The following JAKMIP3 variants were observed in gnomAD, a reference collection of about 807,000 sequenced individuals.
JAKMIP3 encodes the protein Janus kinase and microtubule interacting protein 3.
JAKMIP3 carries 58 observed loss-of-function variants against 118.5 expected under a neutral mutation model. The observed-to-expected ratio is 0.49, with a 90% CI of 0.40 to 0.61. The LOEUF is 0.61. Ranked by LOEUF, JAKMIP3 falls within the 20% of genes least tolerant of loss-of-function variation. The pLI is 0.00. For synonymous variants in JAKMIP3, 486 were observed against 451.2 expected, an observed-to-expected ratio of 1.08 and a Z score of -0.98; for missense variants, 950 against 1,109.0, an observed-to-expected ratio of 0.86 and a Z score of 2.04.
intron 5 of JAKMIP3, 59 bp downstream of exon 5, chr10:132,135,219 T>C: frequency 2.6e-6 from 4 of 1,511,168 alleles, no homozygotes; most frequent in Non-Finnish European, 3.6e-6. Flanking sequence ...GCTGGGGACC[T>C]GGGGGGCATC....
intron 21 of JAKMIP3, 79 bp downstream of exon 21, chr10:132,164,814 C>T: frequency 1.0e-6 from 1 of 956,204 alleles, no homozygotes; most frequent in East Asian, 2.4e-5. Flanking sequence ...CTGAGTCACT[C>T]AGCTCCAGGC....
chr10:132,082,230 T>A (rs929350136), intron 1 of JAKMIP3, among the ~76,000 whole-genome samples: 2 of 152,142 alleles, frequency 1.3e-5, no homozygotes, highest in African/African-American at 4.8e-5. Context: ...TATTATTTTT[T>A]AAATTTTTTA....
intron 23 of JAKMIP3, chr10:132,181,079 A>AGTGTGT (rs529246505): frequency 1.3e-5 from 2 of 150,340 alleles, no homozygotes; most frequent in South Asian, 4.2e-4. Context: ...GTGCACATGT[A>AGTGTGT]GTGTGTGTGT....
chr10:132,055,297 T>A (rs2133825324), intron 1 of JAKMIP3, among the ~76,000 whole-genome samples: 1 of 152,250 alleles, frequency 6.6e-6, no homozygotes, highest in Middle Eastern at 3.4e-3. Flanking sequence ...AGATTTCAAA[T>A]AAATTGTCCA....
At chr10:132,088,524 C>G (rs560527581) in intron 1 of JAKMIP3, among the ~76,000 whole-genome samples, 1 of 152,314 alleles carries the variant, frequency 6.6e-6, no homozygotes, top group South Asian at 2.1e-4. Flanking sequence ...AGTGTCTGTT[C>G]ATATCCTTCA....
At chr10:132,145,228 C>T (rs766285634) in intron 12 of JAKMIP3, 38 bp downstream of exon 12, 55 of 1,513,782 alleles carry the variant, frequency 3.6e-5, no homozygotes, top group South Asian at 1.3e-4. Context: ...TGGGGGCACA[C>T]GTGGGTGGGA....
intron 2 of JAKMIP3, among the ~76,000 whole-genome samples, chr10:132,107,063 TTTTA>T (rs1285645727): frequency 1.5e-4 from 23 of 150,266 alleles, no homozygotes; most frequent in East Asian, 3.9e-4. Flanking sequence ...TTTTTTTTTT[TTTTA>T]ACTTTTTTGT....
At chr10:132,077,643 G>A (rs769264630) in intron 1 of JAKMIP3, among the ~76,000 whole-genome samples, 18 of 152,270 alleles carry the variant, frequency 1.2e-4, no homozygotes, top group East Asian at 3.9e-4. Flanking sequence ...CATCTTAAGC[G>A]GAGGTGGTTT....
chr10:132,078,620 G>A (rs1427038564), intron 1 of JAKMIP3, among the ~76,000 whole-genome samples: 1 of 5,794 alleles, frequency 1.7e-4, no homozygotes. Flanking sequence ...CTCTGGGGGC[G>A]GGGGGGGGGG....
rs1182921925 is a variant in JAKMIP3, at chr10:132,066,002, A to G, written c.-197A>G. Among the ~76,000 whole-genome samples the G allele has an allele frequency of 6.6e-6, 1 of 152,174 alleles. No individual in the cohort carries two copies. The stretch of plus-strand genomic sequence containing the variant: ...CGGACTGAGTCTTGGACGAGCCGGG[A>G]AAGATTCTCACAGTCGAGCAGAGCG... On this transcript the variant is annotated 5_prime_UTR_variant, in exon 1 of 24. Transcript: ENST00000684848.
intron 23 of JAKMIP3, among the ~76,000 whole-genome samples, chr10:132,177,958 GTGTA>G (rs1281285867): frequency 2.1e-5 from 3 of 143,376 alleles, no homozygotes; most frequent in Admixed American, 1.4e-4. Context: ...GGTAGTGTGC[GTGTA>G]TGTGTGCACC....
chr10:132,148,479 C>T (rs1288067131), intron 14 of JAKMIP3, among the ~76,000 whole-genome samples: 2 of 95,652 alleles, frequency 2.1e-5, no homozygotes, highest in Non-Finnish European at 4.9e-5. Context: ...CGCCCGTCCT[C>T]CATCCACCCC....
chr10:132,089,601 A>G (rs2042860101), intron 1 of JAKMIP3, among the ~76,000 whole-genome samples: 1 of 152,140 alleles, frequency 6.6e-6, no homozygotes, highest in Non-Finnish European at 1.5e-5. Context: ...GCTTAAGGAG[A>G]TTTGGGGCTG....
At chr10:132,108,063 A>G (rs1396528646) in intron 2 of JAKMIP3, among the ~76,000 whole-genome samples, 1 of 152,180 alleles carries the variant, frequency 6.6e-6, no homozygotes, top group Non-Finnish European at 1.5e-5. Context: ...CTGCTCTGGG[A>G]CCAGTGGGGT....
intron 23 of JAKMIP3, among the ~76,000 whole-genome samples, chr10:132,175,409 T>A (rs1312865796): frequency 6.6e-6 from 1 of 152,166 alleles, no homozygotes; most frequent in Non-Finnish European, 1.5e-5. Flanking sequence ...TCTGCTTGGC[T>A]CTGTGGTCAG....
In JAKMIP3 at chr10:132,168,492, C is replaced by A; in HGVS notation, c.*562C>A. The A allele has an allele frequency of 1.1e-6, 1 of 877,758 alleles. No homozygotes were observed. Among genetic ancestry groups the A allele is most frequent in the Non-Finnish European group, 1.6e-6 (1 of 642,434 alleles). The allele number at this position is 877,758 out of a possible 1,614,324, so 54.4% of individuals were successfully genotyped here. ...CTCCCCGACGCCTCAGGGGCCCCTCCGATGCTGCAATATGTTGCTGGGGTC... is the reference window on the plus strand; with the variant it reads ...CTCCCCGACGCCTCAGGGGCCCCTCAGATGCTGCAATATGTTGCTGGGGTC... On this transcript the variant is annotated 3_prime_UTR_variant, in exon 23 of 24. Transcript: ENST00000684848.
chr10:132,119,345 T>C (rs979028042), intron 3 of JAKMIP3, among the ~76,000 whole-genome samples: 2 of 152,224 alleles, frequency 1.3e-5, no homozygotes, highest in African/African-American at 2.4e-5. Context: ...CTAATTTGCT[T>C]ATCTTTCCCT....
At chr10:132,145,651 G>A (rs1013363691) in intron 13 of JAKMIP3, 71 bp downstream of exon 13, 21 of 1,300,882 alleles carry the variant, frequency 1.6e-5, no homozygotes, top group African/African-American at 7.4e-5. Flanking sequence ...TGGTCCCTGC[G>A]GGGCTGAAGG....
chr10:132,175,014 TA>T, intron 23 of JAKMIP3, among the ~76,000 whole-genome samples: 1 of 152,230 alleles, frequency 6.6e-6, no homozygotes, highest in Non-Finnish European at 1.5e-5. Context: ...TACGTGCCAT[TA>T]TCAGATACAC....
Sources: allele counts gnomAD v4.1 joint callset (sites outside exome capture counted in the v4.1 genomes callset), GRCh38; gene constraint gnomAD v4.1.1; transcripts MANE v1.5; gene names NCBI Gene and HGNC (gene_info 2026-07-23, HGNC 2026-07-21).